Variants in RICTOR observed in about 807,000 individuals in gnomAD.
The protein encoded by RICTOR is RPTOR independent companion of MTOR complex 2, also known as rapamycin-insensitive companion of mTOR.
Under a neutral mutation model 214.9 loss-of-function variants are expected in RICTOR, and 49 were observed. That is an observed-to-expected ratio of 0.23 (90% CI 0.18 to 0.29). The LOEUF (loss-of-function observed/expected upper bound fraction) is 0.29, where lower values mean the gene tolerates loss of function less well. Ranked by LOEUF, RICTOR falls within the 10% of genes least tolerant of loss-of-function variation. The pLI is 1.00. For missense variants in RICTOR, 1,625 were observed against 2,047.0 expected (o/e 0.79, Z 3.98); for synonymous variants, 717 against 711.3 (o/e 1.01, Z -0.13).
intron 2 of RICTOR, among the ~76,000 whole-genome samples, chr5:39,043,749 C>G (rs189615207): frequency 2.2e-3 from 341 of 152,232 alleles, no homozygotes; most frequent in African/African-American, 7.8e-3. Context: ...GTGACTGGAT[C>G]ATGAAGGCTC....
At chr5:38,964,440 G>A (rs1325436608) in intron 16 of RICTOR, among the ~76,000 whole-genome samples, 1 of 151,622 alleles carries the variant, frequency 6.6e-6, no homozygotes, top group Admixed American at 6.6e-5. Flanking sequence ...ATACTGTAAA[G>A]CTTTATTTGA....
chr5:38,959,094 C>A, intron 22 of RICTOR, 101 bp downstream of exon 22: 1 of 941,448 alleles, frequency 1.1e-6, no homozygotes. Flanking sequence ...AACTCAATTT[C>A]CATATCATAT....
chr5:38,944,972 C>A lies in RICTOR; in HGVS notation c.4730G>T (p.Ser1577Ile), dbSNP rs1161028536. The change falls in exon 35 of 38, where the codon AGT (serine) becomes ATT (isoleucine). Residue 1577 changes from serine to isoleucine, a missense_variant. By Grantham distance (142) the Ser-to-Ile change is moderately radical. Coordinates refer to ENST00000357387, the MANE Select transcript of RICTOR (RefSeq NM_152756.5). ...PSKFSGISGC[S>I]DGVSQEGSAS... is the part of the protein sequence containing the mutation. ...TGAGCCTTCTTGAGACACCCCATCA[C>A]TGCATCCAGAAATCCCCGAAAACTT... is the stretch of plus-strand genomic sequence containing the variant. 4 of 1,613,888 alleles carry A rather than the reference C, an allele frequency of 2.5e-6. No homozygotes were observed. The East Asian group carries it at 8.9e-5, about 36-fold the overall frequency.
At chr5:39,017,060 G>C (rs186203755) in intron 3 of RICTOR, among the ~76,000 whole-genome samples, 1 of 151,852 alleles carries the variant, frequency 6.6e-6, no homozygotes, top group East Asian at 1.9e-4. Flanking sequence ...TTTCTATTAC[G>C]CAACACTATT....
At chr5:39,011,989 G>A (rs1754556726) in intron 3 of RICTOR, among the ~76,000 whole-genome samples, 1 of 152,160 alleles carries the variant, frequency 6.6e-6, no homozygotes, top group Non-Finnish European at 1.5e-5. Flanking sequence ...GTGAGGACAT[G>A]AGATTTGGGA....
chr5:39,039,004 G>T (rs1022317037), intron 2 of RICTOR, among the ~76,000 whole-genome samples: 9 of 152,050 alleles, frequency 5.9e-5, no homozygotes, highest in Non-Finnish European at 1.2e-4. Context: ...AGCCCGCATT[G>T]CCAGGTCAAC....
rs549346896 is a variant in RICTOR at position 39,044,828 on chromosome 5, C to T, written c.98-23692G>A. Among the ~76,000 whole-genome samples the T allele has an allele frequency of 2.6e-5, 4 of 152,270 alleles. No homozygotes were observed. In the South Asian group the frequency reaches 8.3e-4, roughly 32 times the overall value. ...ACATTCTGATCCTTTTCTATTCCAC[C>T]CTCTCAAGCACTATATTCACGCAGT... On this transcript the variant is annotated intron_variant, in intron 2 of 37. Coordinates refer to ENST00000357387, the MANE Select transcript of RICTOR (RefSeq NM_152756.5).
chr5:38,999,552 A>G (rs1408211263), intron 5 of RICTOR, among the ~76,000 whole-genome samples: 1 of 152,102 alleles, frequency 6.6e-6, no homozygotes, highest in Non-Finnish European at 1.5e-5. Context: ...GACAACTACT[A>G]AAAAGAAGGA....
rs200068996 is a variant in RICTOR, at chr5:38,963,040, G to T, written c.1402C>A (p.Arg468=). The change falls in exon 17 of 38, where the codon CGA becomes AGA. Residue 468 remains arginine, a splice_region_variant and synonymous_variant. Coordinates refer to ENST00000357387, the MANE Select transcript of RICTOR (RefSeq NM_152756.5). ...SFDIPKEKRL[R]ASAALNCLKR... ...AAACAGTTCAAGGCTGCACTGGCTC[G>T]CCTAATGAGAAAAACAATTCAATCA... 6.2e-7 allele frequency: 1 copy of T among 1,602,696 alleles called. No individual in the cohort carries two copies. Among genetic ancestry groups the T allele is most frequent in the Non-Finnish European group, 8.5e-7 (1 of 1,173,928 alleles).
At chr5:39,060,710 G>A (rs771393864) in intron 2 of RICTOR, among the ~76,000 whole-genome samples, 6 of 151,930 alleles carry the variant, frequency 3.9e-5, no homozygotes, top group Admixed American at 6.6e-5. Flanking sequence ...TATACATTTC[G>A]GATCTCAGTT....
chr5:39,000,714 C>T (rs1344984292), intron 5 of RICTOR, among the ~76,000 whole-genome samples: 1 of 151,878 alleles, frequency 6.6e-6, no homozygotes, highest in African/African-American at 2.4e-5. Context: ...TGCTTATACA[C>T]ATAGAAAATC....
intron 2 of RICTOR, among the ~76,000 whole-genome samples, chr5:39,073,904 G>C (rs948631770): frequency 1.3e-5 from 2 of 152,008 alleles, no homozygotes; most frequent in African/African-American, 2.4e-5. Context: ...AAGGGCTCGG[G>C]CGAGGGAAGC....
chr5:38,982,539 T>A (rs1321609961), intron 7 of RICTOR, among the ~76,000 whole-genome samples: 1 of 152,158 alleles, frequency 6.6e-6, no homozygotes, highest in African/African-American at 2.4e-5. Flanking sequence ...AGTTCATGAA[T>A]TAGTTACACT....
chr5:38,966,113 A>C (rs1750192089), intron 15 of RICTOR, among the ~76,000 whole-genome samples: 1 of 152,112 alleles, frequency 6.6e-6, no homozygotes, highest in African/African-American at 2.4e-5. Context: ...AAAAACAAAA[A>C]AAACAAAACA....
intron 27 of RICTOR, among the ~76,000 whole-genome samples, chr5:38,954,288 GAAC>G (rs1230199632): frequency 6.6e-6 from 1 of 151,874 alleles, no homozygotes; most frequent in Non-Finnish European, 1.5e-5. Flanking sequence ...ATAACTCAAA[GAAC>G]AACTGCTTGC....
chr5:38,948,394 A>G (rs1441861266), intron 31 of RICTOR, among the ~76,000 whole-genome samples: 5 of 152,126 alleles, frequency 3.3e-5, no homozygotes, highest in Non-Finnish European at 2.9e-5. Flanking sequence ...AATCTGTTAC[A>G]TTTCTTTGGT....
chr5:39,069,285 T>C (rs963557197), intron 2 of RICTOR, among the ~76,000 whole-genome samples: 1 of 152,186 alleles, frequency 6.6e-6, no homozygotes, highest in Non-Finnish European at 1.5e-5. Flanking sequence ...TTTGTAATAT[T>C]GTCGTTATCA....
rs551083332 is a variant in RICTOR, at chr5:39,062,161, A to C, written c.97+11950T>G. On this transcript the variant is annotated intron_variant, in intron 2 of 37. Transcript: ENST00000357387. The stretch of plus-strand genomic sequence containing the variant: ...ATACGTCACTCTAAATAAACAAGGT[A>C]GGAAATAGCTTAGTATTCAAACATC... Among the ~76,000 whole-genome samples the C allele has an allele frequency of 4.2e-3, 634 of 152,256 alleles. 2 individuals are homozygous for C. Among genetic ancestry groups the C allele is most frequent in the African/African-American group, 0.014 (589 of 41,578 alleles).
chr5:38,949,123 GTA>G (rs1748474922), intron 31 of RICTOR, among the ~76,000 whole-genome samples: 1 of 151,954 alleles, frequency 6.6e-6, no homozygotes, highest in Non-Finnish European at 1.5e-5. Context: ...CAAATACTGT[GTA>G]TCTTTTAAAA....
Sources: allele counts gnomAD v4.1 joint callset (sites outside exome capture counted in the v4.1 genomes callset), GRCh38; gene constraint gnomAD v4.1.1; transcripts MANE v1.5; gene names NCBI Gene and HGNC (gene_info 2026-07-23, HGNC 2026-07-21).